SCD5: variants seen among roughly 807,000 people sequenced by gnomAD.
SCD5 encodes the protein stearoyl-CoA desaturase 5, also known as acyl-CoA-desaturase 4.
A neutral mutation model predicts 30.4 loss-of-function variants in SCD5; 20 were observed. The ratio of observed to expected loss-of-function variants is 0.66; its 90% CI spans 0.46 to 0.96. The LOEUF is 0.96. SCD5 is among the 40% of genes least tolerant of loss of function. The pLI is 0.00. For missense variants in SCD5, 381 were observed against 443.3 expected, an observed-to-expected ratio of 0.86 and a Z score of 1.26; for synonymous variants, 173 against 176.4, an observed-to-expected ratio of 0.98 and a Z score of 0.16.
At chr4:82,727,136 A>G (rs559625070) in intron 1 of SCD5, among the ~76,000 whole-genome samples, 1 of 152,286 alleles carries the variant, frequency 6.6e-6, no homozygotes, top group Non-Finnish European at 1.5e-5. Flanking sequence ...TCAGATTCTG[A>G]ATTCATTTCT....
At chr4:82,772,303 G>A (rs1721642351) in intron 1 of SCD5, among the ~76,000 whole-genome samples, 1 of 152,188 alleles carries the variant, frequency 6.6e-6, no homozygotes. Flanking sequence ...GTATCCTTTG[G>A]ATCTGCCAGG....
chr4:82,758,699 A>G lies in SCD5; in HGVS notation c.232+39607T>C, dbSNP rs188492706. On this transcript the variant is annotated intron_variant, in intron 1 of 4. Transcript: ENST00000319540. ...GGATTTTGGTGCGGGTGAGGGACAC[A>G]GGCTCTGTGAGCATGGGCCGGGAGG... Among the ~76,000 whole-genome samples the G allele has an allele frequency of 1.0e-3, 159 of 152,096 alleles. 2 individuals carry two copies. The highest frequency in any genetic ancestry group is 2.0e-3 in the Non-Finnish European group (137 of 67,994).
In SCD5 at chr4:82,636,838, AC is replaced by A; in HGVS notation, c.570-16del. The A allele has an allele frequency of 6.3e-7, 1 of 1,587,576 alleles. No individual in the cohort carries two copies. The highest frequency in any genetic ancestry group is 8.6e-7 in the Non-Finnish European group (1 of 1,165,134). Reference sequence around the variant, plus strand: ...TCTTATAGTACCTACAGGGCAAGACACCATATCACCATGAGGACCCGCTGAT... The same window carrying A: ...TCTTATAGTACCTACAGGGCAAGACACATATCACCATGAGGACCCGCTGAT... On this transcript the variant is annotated splice_polypyrimidine_tract_variant and intron_variant, in intron 3 of 4. Transcript: ENST00000319540.
rs149421319 is a variant in SCD5 at position 82,742,530 on chromosome 4, T to C, written c.233-37117A>G. ...GGCCGGGCATGGTGCCTCACACCTG[T>C]AATCCCAGCACTTTGGGAGGCCGAG... On this transcript the variant is annotated intron_variant, in intron 1 of 4. Transcript: ENST00000319540. 5.2e-4 allele frequency among the ~76,000 whole-genome samples: 79 copies of C among 152,340 alleles called. No individual in the cohort carries two copies. The East Asian group carries it at 0.015, about 28-fold the overall frequency.
At chr4:82,738,837 A>T (rs561547853) in intron 1 of SCD5, among the ~76,000 whole-genome samples, 1 of 152,342 alleles carries the variant, frequency 6.6e-6, no homozygotes, top group Non-Finnish European at 1.5e-5. Flanking sequence ...GACCCTAAAA[A>T]GCACTGCCTA....
chr4:82,679,006 T>G lies in SCD5; in HGVS notation c.569+1701A>C, dbSNP rs553968412. Among the ~76,000 whole-genome samples the G allele has an allele frequency of 2.2e-4, 34 of 151,966 alleles. No individual in the cohort carries two copies. In the South Asian group the frequency reaches 4.4e-3, roughly 20 times the overall value. Reference sequence around the variant, plus strand: ...TGAGGTCAGGAGTTCAAGACCAGCCTGGCCAATATGGTGAAACCCTGTCTC... The same window carrying G: ...TGAGGTCAGGAGTTCAAGACCAGCCGGGCCAATATGGTGAAACCCTGTCTC... On this transcript the variant is annotated intron_variant, in intron 3 of 4. Coordinates refer to ENST00000319540, the MANE Select transcript of SCD5 (RefSeq NM_001037582.3).
intron 1 of SCD5, among the ~76,000 whole-genome samples, chr4:82,725,466 A>C (rs1215555798): frequency 6.6e-6 from 1 of 152,198 alleles, no homozygotes; most frequent in East Asian, 1.9e-4. Flanking sequence ...AAACAAACAA[A>C]AATGACAGCT....
chr4:82,774,345 G>A lies in SCD5; in HGVS notation c.232+23961C>T, dbSNP rs973901157. The stretch of plus-strand genomic sequence containing the variant: ...TCTATGGACATGAAAAGATGTCTAC[G>A]ACGCATTAACGCATGAAAAAACAGC... On this transcript the variant is annotated intron_variant, in intron 1 of 4. Transcript: ENST00000319540. Among the ~76,000 whole-genome samples, 7 of 151,972 alleles carry A rather than the reference G, an allele frequency of 4.6e-5. No homozygotes were observed. The South Asian group carries it at 1.0e-3, about 23-fold the overall frequency.
chr4:82,726,364 C>A (rs1371703432), intron 1 of SCD5, among the ~76,000 whole-genome samples: 1 of 149,764 alleles, frequency 6.7e-6, no homozygotes, highest in African/African-American at 2.5e-5. Context: ...TTGTGGTGAG[C>A]CATGATTGTG....
intron 1 of SCD5, among the ~76,000 whole-genome samples, chr4:82,750,226 G>A (rs1264164698): frequency 6.6e-6 from 1 of 152,182 alleles, no homozygotes; most frequent in Non-Finnish European, 1.5e-5. Flanking sequence ...TGGCCATTGG[G>A]AGGGCCGGGG....
Position 82,726,469 on chromosome 4 carries a change from G to A in SCD5, c.233-21056C>T, listed in dbSNP as rs17006173. On this transcript the variant is annotated intron_variant, in intron 1 of 4. Coordinates refer to ENST00000319540, the MANE Select transcript of SCD5 (RefSeq NM_001037582.3). ...TTGGATTTTTACAGCAAGGTTAATC[G>A]GGACTTTATCAACTGGGCAAACTTG... Among the ~76,000 whole-genome samples, 1,438 of 148,856 alleles carry A rather than the reference G, an allele frequency of 9.7e-3. 24 individuals carry two copies. The highest frequency in any genetic ancestry group is 0.034 in the African/African-American group (1,368 of 40,724).
chr4:82,753,450 G>A (rs1324359282), intron 1 of SCD5: 18 of 514,622 alleles, frequency 3.5e-5, no homozygotes, highest in East Asian at 5.7e-5. Context: ...AAAGCAGTGC[G>A]CCCCAGAGTC....
intron 1 of SCD5, among the ~76,000 whole-genome samples, chr4:82,746,289 C>T (rs1720980645): frequency 6.6e-6 from 1 of 152,198 alleles, no homozygotes; most frequent in Non-Finnish European, 1.5e-5. Context: ...AAAAGGACAT[C>T]CCAGATGACC....
chr4:82,716,549 C>T (rs1012842583), intron 1 of SCD5, among the ~76,000 whole-genome samples: 1 of 151,776 alleles, frequency 6.6e-6, no homozygotes, highest in Non-Finnish European at 1.5e-5. Flanking sequence ...CGTGGTGGCT[C>T]ATGTCTGTAA....
intron 2 of SCD5, chr4:82,692,543 C>T (rs576179811): frequency 2.0e-5 from 3 of 152,406 alleles, no homozygotes; most frequent in Middle Eastern, 3.4e-3. Context: ...GCAGGCATCG[C>T]AGCCCCTGAG....
At chr4:82,698,396 C>T (rs1205737918) in intron 2 of SCD5, among the ~76,000 whole-genome samples, 3 of 152,236 alleles carry the variant, frequency 2.0e-5, no homozygotes, top group Admixed American at 6.5e-5. Context: ...CCCTCCTTGA[C>T]ATGCACACCC....
At chr4:82,793,787 G>T (rs902715763) in intron 1 of SCD5, among the ~76,000 whole-genome samples, 2 of 152,154 alleles carry the variant, frequency 1.3e-5, no homozygotes, top group African/African-American at 4.8e-5. Flanking sequence ...ATGTAAATTT[G>T]TCCAAGGCCA....
intron 1 of SCD5, among the ~76,000 whole-genome samples, chr4:82,770,082 C>G (rs1360954792): frequency 6.6e-6 from 1 of 152,044 alleles, no homozygotes; most frequent in Non-Finnish European, 1.5e-5. Flanking sequence ...GTGTGCACAA[C>G]GTGCAGGTTT....
intron 1 of SCD5, among the ~76,000 whole-genome samples, chr4:82,756,897 CCTCT>C (rs1721246433): frequency 6.6e-6 from 1 of 152,074 alleles, no homozygotes; most frequent in African/African-American, 2.4e-5. Flanking sequence ...AGAGGATCTC[CCTCT>C]GTCACCCAGG....
Sources: gnomAD v4.1 joint callset for allele counts (sites outside exome capture counted in the v4.1 genomes callset) on GRCh38, gnomAD v4.1.1 for gene constraint, MANE v1.5 for transcripts, NCBI Gene and HGNC (gene_info 2026-07-23, HGNC 2026-07-21) for gene names.